The following INSR variants were observed in gnomAD, a reference collection of about 807,000 sequenced individuals.
The protein encoded by INSR is insulin receptor.
In INSR, 67 loss-of-function variants were observed where a neutral mutation model predicts 142.6. That is an observed-to-expected ratio of 0.47 (90% CI 0.39 to 0.58). INSR has a LOEUF of 0.58. INSR is among the 20% of genes least tolerant of loss of function. INSR has a pLI of 0.00. For missense variants in INSR, 1,248 were observed against 1,833.2 expected, an observed-to-expected ratio of 0.68 and a Z score of 5.83; for synonymous variants, 756 against 743.1, an observed-to-expected ratio of 1.02 and a Z score of -0.28.
At chr19:7,177,647 C>G (rs573671507) in intron 3 of INSR, among the ~76,000 whole-genome samples, 85 of 151,634 alleles carry the variant, frequency 5.6e-4, no homozygotes, top group African/African-American at 1.9e-3. Flanking sequence ...CCTGCCTCAG[C>G]CTCCCGAGTA....
At chr19:7,268,404 AC>A in intron 1 of INSR, 1 of 983,874 alleles carries the variant, frequency 1.0e-6, no homozygotes, top group Non-Finnish European at 1.2e-6. Flanking sequence ...AGACCTAATT[AC>A]CTTTTACCTG....
At chr19:7,123,188 C>A in intron 17 of INSR, 199 bp from the exon 18 acceptor site, 1 of 572,254 alleles carries the variant, frequency 1.7e-6, no homozygotes, top group Non-Finnish European at 3.1e-6. Context: ...TTTTAATTTT[C>A]GAGACGGAAT....
chr19:7,217,482 G>C (rs1459796681), intron 2 of INSR, among the ~76,000 whole-genome samples: 2 of 152,178 alleles, frequency 1.3e-5, no homozygotes, highest in Non-Finnish European at 2.9e-5. Context: ...TCATTCAACC[G>C]ACCACATTCA....
At chr19:7,200,423 A>G (rs1410579683) in intron 2 of INSR, among the ~76,000 whole-genome samples, 1 of 152,152 alleles carries the variant, frequency 6.6e-6, no homozygotes, top group Non-Finnish European at 1.5e-5. Flanking sequence ...TGAGGTGTGG[A>G]GTTCAAGATA....
chr19:7,130,737 T>A (rs1490435246), intron 14 of INSR, among the ~76,000 whole-genome samples: 3 of 152,134 alleles, frequency 2.0e-5, no homozygotes, highest in Non-Finnish European at 4.4e-5. Context: ...CTTTTCTTTA[T>A]AAATTACTGA....
At chr19:7,285,695 A>G (rs749281405) in intron 1 of INSR, among the ~76,000 whole-genome samples, 1 of 152,118 alleles carries the variant, frequency 6.6e-6, no homozygotes, top group Non-Finnish European at 1.5e-5. Context: ...GGGAATGATG[A>G]GGATCAACCA....
intron 2 of INSR, among the ~76,000 whole-genome samples, chr19:7,246,851 T>A (rs57737507): frequency 0.049 from 6,591 of 133,878 alleles, 752 homozygotes; most frequent in African/African-American, 0.21. Flanking sequence ...ATACAACAAG[T>A]TCCAAGTTGT....
intron 2 of INSR, among the ~76,000 whole-genome samples, chr19:7,199,749 C>T (rs983047113): frequency 6.6e-6 from 1 of 150,800 alleles, no homozygotes; most frequent in Non-Finnish European, 1.5e-5. Flanking sequence ...CTACCTCGAC[C>T]CACCCAGATC....
At chr19:7,211,478 C>A (rs901206399) in intron 2 of INSR, among the ~76,000 whole-genome samples, 1 of 152,138 alleles carries the variant, frequency 6.6e-6, no homozygotes, top group African/African-American at 2.4e-5. Flanking sequence ...CCAAAGGAGC[C>A]GGTATTTGAA....
rs111819773 is a variant in INSR, at chr19:7,270,939, G to A, written c.101-3043C>T. ...TAGCCAGGCGTGGTGGCGGGCACCC[G>A]TAGTGGCAACTATTTGGGAGGCCGA... is the stretch of plus-strand genomic sequence containing the variant. On this transcript the variant is annotated intron_variant, in intron 1 of 21. Transcript: ENST00000302850. Among the ~76,000 whole-genome samples, 1,367 of 151,836 alleles carry A rather than the reference G, an allele frequency of 9.0e-3. 15 individuals are homozygous for A. Among genetic ancestry groups the A allele is most frequent in the Non-Finnish European group, 0.013 (870 of 67,946 alleles).
intron 2 of INSR, among the ~76,000 whole-genome samples, chr19:7,185,565 C>G (rs11670971): frequency 3.3e-5 from 5 of 151,840 alleles, no homozygotes; most frequent in Admixed American, 2.6e-4. Flanking sequence ...AAATGTGGCT[C>G]GGTGTGGTGG....
intron 3 of INSR, among the ~76,000 whole-genome samples, chr19:7,181,207 A>C (rs1307328303): frequency 6.6e-6 from 1 of 152,084 alleles, no homozygotes; most frequent in Admixed American, 6.5e-5. Flanking sequence ...CGGCCTCCCA[A>C]AGTGCTGGGG....
At chr19:7,231,295 G>GTTTTTTTTTTT (rs59830751) in intron 2 of INSR, among the ~76,000 whole-genome samples, 19 of 135,028 alleles carry the variant, frequency 1.4e-4, no homozygotes, top group African/African-American at 5.1e-4. Flanking sequence ...GGTGTTTTTT[G>GTTTTTTTTTTT]TTTTTTTTTT....
Position 7,135,357 on chromosome 19 carries a change from C to T in INSR, c.2683-3040G>A, listed in dbSNP as rs186177217. Among the ~76,000 whole-genome samples the T allele has an allele frequency of 2.7e-3, 356 of 130,368 alleles. 3 individuals carry two copies. The highest frequency in any genetic ancestry group is 9.6e-3 in the African/African-American group (331 of 34,574). The allele number at this position is 130,368 out of a possible 152,430, so 85.5% of individuals were successfully genotyped here. On this transcript the variant is annotated intron_variant, in intron 13 of 21. Coordinates refer to ENST00000302850, the MANE Select transcript of INSR (RefSeq NM_000208.4). ...GGAGACGGAGTTTCGCTCTTGTCAC[C>T]CAGGCTGGAGTGCAGTGGCATGATC...
intron 13 of INSR, among the ~76,000 whole-genome samples, chr19:7,137,233 T>C (rs1011987092): frequency 1.3e-5 from 2 of 150,676 alleles, no homozygotes; most frequent in African/African-American, 2.5e-5. Flanking sequence ...TATTATGGTA[T>C]GTAAGTTACA....
rs1974042812 is a variant in INSR, at chr19:7,172,553, A to T, written c.1124-119T>A. 8.4e-6 allele frequency: 9 copies of T among 1,075,090 alleles called. No homozygotes were observed. In the Admixed American group the frequency reaches 1.0e-4, roughly 12 times the overall value. 66.6% of individuals were successfully genotyped at this position (1,075,090 alleles called of 1,614,324 possible). A position where few individuals can be genotyped will look rare whatever the true frequency, so the allele number is the denominator to read the frequency against. On this transcript the variant is annotated intron_variant, in intron 4 of 21. Transcript: ENST00000302850. ...AATGACTGGACATACCCAGCTCAAA[A>T]CTCATCATGCTTAGAACACAATCTG...
At chr19:7,269,030 C>CCACACACCCA (rs754994787) in intron 1 of INSR, among the ~76,000 whole-genome samples, 3,764 of 120,900 alleles carry the variant, frequency 0.031, 78 homozygotes, top group Non-Finnish European at 0.045. Flanking sequence ...GCCAACACAC[C>CCACACACCCA]CACACACCCA....
intron 1 of INSR, among the ~76,000 whole-genome samples, chr19:7,271,380 G>A (rs1204712689): frequency 1.3e-5 from 2 of 152,150 alleles, no homozygotes; most frequent in African/African-American, 4.8e-5. Flanking sequence ...GGCGCATGTA[G>A]TTCCAGACAC....
At position 7,119,247 on chromosome 19, in the gene INSR, T is replaced by C. The variant is rs1972416883; in HGVS notation, c.3794+202A>G. 6.6e-6 allele frequency among the ~76,000 whole-genome samples: 1 copy of C among 152,180 alleles called. No individual in the cohort carries two copies. The highest frequency in any genetic ancestry group is 1.5e-5 in the Non-Finnish European group (1 of 68,038). ...GCGTACATGTAGCACATATGGGAAC[T>C]CAAGTGTGTGTACCACAATGCAATA... On this transcript the variant is annotated intron_variant, in intron 21 of 21. Transcript: ENST00000302850. This position sits in a 1 kb window ranked among gnomAD's most constrained non-coding sequence, Gnocchi z 5.2.
Sources: gnomAD v4.1 joint callset for allele counts (sites outside exome capture counted in the v4.1 genomes callset) on GRCh38, gnomAD v4.1.1 for gene constraint, Gnocchi (gnomAD v3.1) non-coding constraint, MANE v1.5 for transcripts, NCBI Gene and HGNC (gene_info 2026-07-23, HGNC 2026-07-21) for gene names.